NDRG4: variants seen among roughly 807,000 people sequenced by gnomAD.
NDRG4 encodes the protein NDRG family member 4.
Under a neutral mutation model 55.8 loss-of-function variants are expected in NDRG4, and 38 were observed. The observed-to-expected ratio is 0.68, with a 90% CI of 0.53 to 0.89. The LOEUF (loss-of-function observed/expected upper bound fraction) is 0.89, where lower values mean the gene tolerates loss of function less well. NDRG4 is among the 40% of genes least tolerant of loss of function. NDRG4 has a pLI of 0.00. For synonymous variants in NDRG4, 190 were observed against 182.7 expected, an observed-to-expected ratio of 1.04 and a Z score of -0.32; for missense variants, 455 against 468.6, an observed-to-expected ratio of 0.97 and a Z score of 0.27.
At chr16:58,494,394 C>A (rs1249446702) in intron 2 of NDRG4, among the ~76,000 whole-genome samples, 1 of 152,186 alleles carries the variant, frequency 6.6e-6, no homozygotes, top group Admixed American at 6.5e-5. Flanking sequence ...ACGCCCACCT[C>A]CCCCCTTCCC....
At chr16:58,510,921 C>T in intron 14 of NDRG4, 1 of 587,084 alleles carries the variant, frequency 1.7e-6, no homozygotes, top group South Asian at 2.1e-5. Context: ...GCTTCCAGAG[C>T]TCTGGGGATA....
chr16:58,479,135 T>A (rs931455421), intron 1 of NDRG4, among the ~76,000 whole-genome samples: 1 of 152,146 alleles, frequency 6.6e-6, no homozygotes, highest in Non-Finnish European at 1.5e-5. Context: ...TTCAAGCAAC[T>A]CTCCTGCCTC....
rs1239909037 is a variant in NDRG4, at chr16:58,509,373, C to T, written c.865+21C>T. The T allele has an allele frequency of 1.9e-6, 3 of 1,611,512 alleles. No homozygotes were observed. In the African/African-American group the frequency reaches 4.0e-5, roughly 22 times the overall value. On this transcript the variant is annotated intron_variant, in intron 13 of 14. Coordinates refer to ENST00000570248, the MANE Select transcript of NDRG4 (RefSeq NM_001242835.2). The stretch of plus-strand genomic sequence containing the variant: ...CTACAGTGAGTACATTTCCACCCCA[C>T]CCCACACCACCTAGAGACCGGTGGG...
In NDRG4 at chr16:58,507,864, G is replaced by A. The variant is rs747962991; in HGVS notation, c.677G>A (p.Arg226His). The A allele has an allele frequency of 1.1e-5, 17 of 1,613,896 alleles. No individual in the cohort carries two copies. The highest frequency in any genetic ancestry group is 4.5e-5 in the East Asian group (2 of 44,886). Reference protein sequence around the residue: ...PGTVPNAKTLRCPVMLVVGDN... With the variant: ...PGTVPNAKTLHCPVMLVVGDN... ...ACGGTGCCCAATGCCAAGACGCTCC[G>A]GTGAGTGGCCCCTGGCCCTCTGGCC... Residue 226 changes from arginine to histidine, a missense_variant and splice_region_variant, in exon 9 of 15, where the codon CGC becomes CAC. Arg to His is a conservative substitution (Grantham distance 29). Coordinates refer to ENST00000570248, the MANE Select transcript of NDRG4 (RefSeq NM_001242835.2).
At position 58,481,490 on chromosome 16, in the gene NDRG4, TG is replaced by T. The variant is rs560943594; in HGVS notation, c.-23-6265del. ...TGTGCGCGCGCATGCAGGGTGGTGGTGTGGTTGGTGAGGGCATAGGGATTCA... is the reference window on the plus strand; with the variant it reads ...TGTGCGCGCGCATGCAGGGTGGTGGTTGGTTGGTGAGGGCATAGGGATTCA... On this transcript the variant is annotated intron_variant, in intron 1 of 15. Coordinates refer to the NDRG4 transcript ENST00000258187. Among the ~76,000 whole-genome samples, 11 of 151,878 alleles carry T rather than the reference TG, an allele frequency of 7.2e-5. No individual in the cohort carries two copies. In the South Asian group the frequency reaches 2.3e-3, roughly 32 times the overall value.
downstream of NDRG4, among the ~76,000 whole-genome samples, chr16:58,513,842 CA>C (rs1330164442): frequency 6.6e-6 from 1 of 152,132 alleles, no homozygotes; most frequent in Non-Finnish European, 1.5e-5. Context: ...CCTGTAATAC[CA>C]GCTACTCGGG....
chr16:58,482,959 A>T (rs898163865), intron 1 of NDRG4, among the ~76,000 whole-genome samples: 3 of 151,822 alleles, frequency 2.0e-5, no homozygotes, highest in Admixed American at 6.6e-5. Context: ...CTAATTTTTG[A>T]ATTTTTAGTA....
At chr16:58,508,817 G>A in intron 10 of NDRG4, 145 bp from the exon 11 acceptor site, 1 of 823,624 alleles carries the variant, frequency 1.2e-6, no homozygotes, top group Non-Finnish European at 2.0e-6. Flanking sequence ...AGAAAGCCTG[G>A]GAGGAGCAGC....
At chr16:58,486,349 G>A (rs1192936787) in intron 1 of NDRG4, among the ~76,000 whole-genome samples, 1 of 151,692 alleles carries the variant, frequency 6.6e-6, no homozygotes, top group South Asian at 2.1e-4. Context: ...TCGTAGAGAT[G>A]GGGCCTTGCT....
intron 1 of NDRG4, among the ~76,000 whole-genome samples, chr16:58,465,764 G>C (rs1309208597): frequency 2.0e-5 from 3 of 152,236 alleles, no homozygotes; most frequent in Admixed American, 2.0e-4. Context: ...ATCAGCAATA[G>C]CTCGTGACAG....
chr16:58,507,760 T>G, intron 8 of NDRG4, 48 bp from the exon 9 acceptor site: 1 of 1,587,500 alleles, frequency 6.3e-7, no homozygotes, highest in Non-Finnish European at 8.6e-7. Flanking sequence ...CCCCTCATCC[T>G]GTCCTGGGGT....
chr16:58,504,794 A>C, intron 5 of NDRG4, 145 bp downstream of exon 5: 3 of 764,292 alleles, frequency 3.9e-6, no homozygotes, highest in Non-Finnish European at 2.1e-6. Flanking sequence ...TATGTAGAAA[A>C]CCTCTTTTTT....
chr16:58,476,949 C>T lies in NDRG4; in HGVS notation c.-23-10807C>T, dbSNP rs182536582. On this transcript the variant is annotated intron_variant, in intron 1 of 15. Transcript: ENST00000258187. ...CATAAGGGTAGCAGTTCTGACACTA[C>T]TTTATATGTATCCCAGGAATGAACA... 1.3e-3 allele frequency among the ~76,000 whole-genome samples: 195 copies of T among 152,152 alleles called. 1 individual carries two copies. Among genetic ancestry groups the T allele is most frequent in the African/African-American group, 4.4e-3 (181 of 41,514 alleles).
At chr16:58,480,184 G>T (rs1567577228) in intron 1 of NDRG4, among the ~76,000 whole-genome samples, 1 of 152,164 alleles carries the variant, frequency 6.6e-6, no homozygotes, top group Admixed American at 6.5e-5. Context: ...ACAGTGGCAC[G>T]ATCTAGGCTC....
downstream of NDRG4, among the ~76,000 whole-genome samples, chr16:58,515,149 GGTCGCTCGCCGCCCAGTTGC>G (rs1259211178): frequency 6.6e-6 from 1 of 152,194 alleles, no homozygotes; most frequent in Non-Finnish European, 1.5e-5. Context: ...GAGATCAGGA[GGTCGCTCGCCGCCCAGTTGC>G]GTCGCTCACC....
chr16:58,485,442 G>A (rs1201838095), intron 1 of NDRG4, among the ~76,000 whole-genome samples: 2 of 152,312 alleles, frequency 1.3e-5, no homozygotes, highest in Non-Finnish European at 2.9e-5. Context: ...ATGGTGTCCA[G>A]GGTGGTTTCA....
chr16:58,471,451 G>A (rs1272342932), intron 1 of NDRG4, among the ~76,000 whole-genome samples: 2 of 152,016 alleles, frequency 1.3e-5, no homozygotes, highest in African/African-American at 4.8e-5. Flanking sequence ...AACTGAGCCT[G>A]GCTTTGCCCC....
chr16:58,511,104 C>T (rs758212727), intron 14 of NDRG4: 34 of 474,996 alleles, frequency 7.2e-5, no homozygotes, highest in African/African-American at 1.9e-4. Flanking sequence ...ACCACCGCTC[C>T]GCGTCCTCCT....
In NDRG4 at chr16:58,512,504, G is replaced by T. The variant is rs148667311; in HGVS notation, c.*928G>T. 18 of 236,126 alleles carry T rather than the reference G, an allele frequency of 7.6e-5. No homozygotes were observed. The highest frequency in any genetic ancestry group is 3.8e-4 in the African/African-American group (16 of 42,294). 14.6% of individuals were successfully genotyped at this position (236,126 alleles called of 1,614,324 possible). A position where few individuals can be genotyped will look rare whatever the true frequency, so the allele number is the denominator to read the frequency against. On this transcript the variant is annotated 3_prime_UTR_variant, in exon 15 of 15. Coordinates refer to ENST00000570248, the MANE Select transcript of NDRG4 (RefSeq NM_001242835.2). Reference sequence around the variant, plus strand: ...CCAGAGGGCAACGCCATCAGTAGCAGTGTGGTGTTTCAGGCAGAGCTCTGG... The same window carrying T: ...CCAGAGGGCAACGCCATCAGTAGCATTGTGGTGTTTCAGGCAGAGCTCTGG...
Sources: gnomAD v4.1 joint callset for allele counts (sites outside exome capture counted in the v4.1 genomes callset) on GRCh38, gnomAD v4.1.1 for gene constraint, MANE v1.5 for transcripts, NCBI Gene and HGNC (gene_info 2026-07-23, HGNC 2026-07-21) for gene names.